Variants in LRRK1 observed in about 807,000 individuals in gnomAD.
LRRK1 encodes leucine rich repeat kinase 1, also known as leucine-rich repeat serine/threonine-protein kinase 1.
A neutral mutation model predicts 209.1 loss-of-function variants in LRRK1; 113 were observed. That is an observed-to-expected ratio of 0.54 (90% confidence interval 0.46 to 0.63). The LOEUF (loss-of-function observed/expected upper bound fraction) is 0.63. Ranked by LOEUF, LRRK1 falls within the 30% of genes least tolerant of loss-of-function variation. The pLI is 0.00. For synonymous variants in LRRK1, 1,144 were observed against 1,099.7 expected (o/e 1.04, Z -0.80); for missense variants, 2,284 against 2,632.2 (o/e 0.87, Z 2.89).
rs546787608 is a variant in LRRK1 at position 101,064,079 on chromosome 15, C to T, written c.4915-1273C>T. On this transcript the variant is annotated intron_variant, in intron 31 of 33. Coordinates refer to ENST00000388948, the MANE Select transcript of LRRK1 (RefSeq NM_024652.6). ...CCAGCGCGAAGCCTGCATTCTTGCA[C>T]GCGCACCCACGTTCACACCCAGCCG... Among the ~76,000 whole-genome samples, 6 of 152,374 alleles carry T rather than the reference C, an allele frequency of 3.9e-5. No individual in the cohort carries two copies. In the South Asian group the frequency reaches 6.2e-4, roughly 16 times the overall value.
In LRRK1 at chr15:101,022,266, C is replaced by T; in HGVS notation, c.1853-117C>T. 9.8e-7 allele frequency: 1 copy of T among 1,018,968 alleles called. No individual in the cohort carries two copies. Among genetic ancestry groups the T allele is most frequent in the Non-Finnish European group, 1.5e-6 (1 of 667,396 alleles). The allele number at this position is 1,018,968 out of a possible 1,614,324, so 63.1% of individuals were successfully genotyped here. ...TCCCTCCCCCTGATCCAGTAGTCTT[C>T]CTTAACTGTCCCCACTAAAACACAA... On this transcript the variant is annotated intron_variant, in intron 14 of 33. Coordinates refer to ENST00000388948, the MANE Select transcript of LRRK1 (RefSeq NM_024652.6). The surrounding 1 kb of genome is among the most constrained non-coding windows in gnomAD (Gnocchi z 4.0).
rs759456551 is a variant in LRRK1 at position 101,053,054 on chromosome 15, C to A, written c.3822C>A (p.Ile1274=). Residue 1274 remains isoleucine, a synonymous_variant, in exon 25 of 34, where the codon ATC becomes ATA. Transcript: ENST00000388948. ...GQPVAVKRFH[I]KKFKNFANVP... ...CTGTGGCCGTCAAGCGCTTCCACAT[C>A]AAAAAATTCAAGAACTTTGCTAACG... The A allele has an allele frequency of 9.3e-6, 15 of 1,611,666 alleles. No homozygotes were observed. Among genetic ancestry groups the A allele is most frequent in the African/African-American group, 2.7e-5 (2 of 74,890 alleles).
At chr15:100,925,100 C>T (rs956881266) in intron 2 of LRRK1, among the ~76,000 whole-genome samples, 8 of 151,896 alleles carry the variant, frequency 5.3e-5, no homozygotes, top group East Asian at 1.9e-4. Context: ...TCCAGAATCC[C>T]GCTATCTCAA....
At chr15:101,059,903 T>G (rs1210649462) in intron 29 of LRRK1, among the ~76,000 whole-genome samples, 1 of 152,128 alleles carries the variant, frequency 6.6e-6, no homozygotes, top group East Asian at 1.9e-4. Context: ...TCGTCAGACT[T>G]CTGAGGGTGA....
chr15:101,068,799 CCTA>C lies in LRRK1; in HGVS notation c.6001_6003del (p.Tyr2001del), dbSNP rs2036671534. On this transcript the variant is annotated inframe_deletion, in exon 34 of 34. Coordinates refer to ENST00000388948, the MANE Select transcript of LRRK1 (RefSeq NM_024652.6). ...AGGGAGTTCGACATTTTCTACCAGT[CCTA>C]CGAGGAGCTGGGCCGGCTGGAGGCT... The C allele has an allele frequency of 6.2e-7, 1 of 1,612,718 alleles. No homozygotes were observed. Among genetic ancestry groups the C allele is most frequent in the East Asian group, 2.2e-5 (1 of 44,866 alleles).
At chr15:100,982,505 C>T (rs2031659743) in intron 3 of LRRK1, among the ~76,000 whole-genome samples, 1 of 152,216 alleles carries the variant, frequency 6.6e-6, no homozygotes, top group African/African-American at 2.4e-5. Context: ...TATATTAACA[C>T]ATGGCCCTCC....
intron 20 of LRRK1, among the ~76,000 whole-genome samples, chr15:101,042,854 C>T (rs2034839192): frequency 6.6e-6 from 1 of 152,244 alleles, no homozygotes; most frequent in Non-Finnish European, 1.5e-5. Context: ...TCCTCCTACT[C>T]TCCTCTGTGC....
At chr15:101,000,703 C>G (rs1194178160) in intron 6 of LRRK1, among the ~76,000 whole-genome samples, 1 of 152,188 alleles carries the variant, frequency 6.6e-6, no homozygotes, top group Non-Finnish European at 1.5e-5. Context: ...CATCGTCTTC[C>G]CGTTGTCTGC....
intron 3 of LRRK1, among the ~76,000 whole-genome samples, chr15:100,976,781 C>G (rs1371163843): frequency 6.6e-6 from 1 of 152,226 alleles, no homozygotes; most frequent in East Asian, 1.9e-4. Flanking sequence ...AACTGCCTAA[C>G]TGTTCCATCC....
At chr15:101,013,396 C>T (rs1447905829) in intron 10 of LRRK1, among the ~76,000 whole-genome samples, 2 of 152,116 alleles carry the variant, frequency 1.3e-5, no homozygotes, top group South Asian at 2.1e-4. Flanking sequence ...GTGGTGATGT[C>T]CTCAAGCAGG....
chr15:101,065,963 C>T lies in LRRK1; in HGVS notation c.5526C>T (p.Ser1842=), dbSNP rs2036507405. Residue 1842 remains serine (S), a synonymous_variant, in exon 32 of 34, where the codon TCC becomes TCT. Coordinates refer to ENST00000388948, the MANE Select transcript of LRRK1 (RefSeq NM_024652.6). ...QESLTDYCSM[S]SYSSSPPRQA... is the part of the protein sequence containing the mutation. ...CACTCACTGACTACTGCTCCATGTC[C>T]TCCTACTCCTCATCCCCACCCCGCC... 1.2e-5 allele frequency: 19 copies of T among 1,614,028 alleles called. No homozygotes were observed. The highest frequency in any genetic ancestry group is 4.0e-5 in the African/African-American group (3 of 74,932).
intron 6 of LRRK1, among the ~76,000 whole-genome samples, chr15:100,993,707 C>T (rs982508821): frequency 1.3e-5 from 2 of 152,178 alleles, no homozygotes; most frequent in African/African-American, 4.8e-5. Flanking sequence ...GGTTTTTAAT[C>T]TCATCTGAGT....
chr15:100,996,447 C>T (rs2032416785), intron 6 of LRRK1, among the ~76,000 whole-genome samples: 3 of 152,248 alleles, frequency 2.0e-5, no homozygotes, highest in Admixed American at 2.0e-4. Flanking sequence ...TTTTCCTACC[C>T]TCTGAGGGTC....
chr15:100,973,109 G>C (rs546668685), intron 2 of LRRK1, among the ~76,000 whole-genome samples: 11 of 152,206 alleles, frequency 7.2e-5, no homozygotes, highest in Non-Finnish European at 1.6e-4. Context: ...TCGGCCTGCC[G>C]TGGCCGCCCC....
chr15:101,018,369 T>C (rs1011767766), intron 12 of LRRK1, among the ~76,000 whole-genome samples: 2 of 152,160 alleles, frequency 1.3e-5, no homozygotes, highest in Non-Finnish European at 2.9e-5. Context: ...ACTGTAGAAA[T>C]TGAGTCCAGA....
chr15:100,982,215 C>T (rs1188293409), intron 3 of LRRK1, among the ~76,000 whole-genome samples: 2 of 152,240 alleles, frequency 1.3e-5, no homozygotes, highest in Admixed American at 6.5e-5. Flanking sequence ...ATGGGGGACA[C>T]TGGCCATCCC....
intron 6 of LRRK1, among the ~76,000 whole-genome samples, chr15:101,000,351 C>G (rs1337795611): frequency 6.6e-6 from 1 of 152,200 alleles, no homozygotes; most frequent in African/African-American, 2.4e-5. Context: ...CTTTTGTTAT[C>G]TGTGTGATCA....
intron 6 of LRRK1, among the ~76,000 whole-genome samples, chr15:100,995,960 C>A (rs1445328101): frequency 6.6e-6 from 1 of 152,268 alleles, no homozygotes. Flanking sequence ...TGGTGCCCCA[C>A]CCTTCATGTC....
intron 2 of LRRK1, among the ~76,000 whole-genome samples, chr15:100,952,116 A>C (rs1275272506): frequency 6.6e-6 from 1 of 152,208 alleles, no homozygotes; most frequent in African/African-American, 2.4e-5. Context: ...ACATGTTCAG[A>C]AGAGGCAAAC....
Sources: gnomAD v4.1 joint callset for allele counts (sites outside exome capture counted in the v4.1 genomes callset) on GRCh38, gnomAD v4.1.1 for gene constraint, Gnocchi (gnomAD v3.1) non-coding constraint, MANE v1.5 for transcripts, NCBI Gene and HGNC (gene_info 2026-07-23, HGNC 2026-07-21) for gene names.